HOPX: variants seen among roughly 807,000 people sequenced by gnomAD.
HOPX encodes HOP homeobox.
A neutral mutation model predicts 11.8 loss-of-function variants in HOPX; 5 were observed. The ratio of observed to expected loss-of-function variants is 0.43; its 90% CI spans 0.22 to 0.89. The LOEUF is 0.89. Ranked by LOEUF, HOPX falls within the 40% of genes least tolerant of loss-of-function variation. HOPX has a pLI of 0.28. For missense variants in HOPX, 119 were observed against 120.0 expected, an observed-to-expected ratio of 0.99 and a Z score of 0.04; for synonymous variants, 49 against 49.7, an observed-to-expected ratio of 0.99 and a Z score of 0.06.
At chr4:56,678,438 A>ATTGTTTT (rs1719135406) in intron 1 of HOPX, among the ~76,000 whole-genome samples, 1 of 100,258 alleles carries the variant, frequency 1.0e-5, no homozygotes, top group African/African-American at 4.3e-5. Context: ...CTAGTCACTG[A>ATTGTTTT]TTTTTTTTTT....
intron 1 of HOPX, among the ~76,000 whole-genome samples, chr4:56,675,873 CA>C (rs1718989785): frequency 6.6e-6 from 1 of 151,700 alleles, no homozygotes; most frequent in South Asian, 2.1e-4. Context: ...TCAGGATCCC[CA>C]GGTGATGGTT....
chr4:56,672,614 C>T (rs1273878800), intron 1 of HOPX: 1 of 151,278 alleles, frequency 6.6e-6, no homozygotes, highest in Admixed American at 6.6e-5. Context: ...ATTTGATTGG[C>T]TAAAAAATTA....
At chr4:56,669,308 A>C (rs1418685806) in intron 1 of HOPX, among the ~76,000 whole-genome samples, 1 of 152,224 alleles carries the variant, frequency 6.6e-6, no homozygotes, top group African/African-American at 2.4e-5. Context: ...CTAGGAACCA[A>C]GGAGCTTCTT....
intron 2 of HOPX, chr4:56,656,315 G>C (rs1046240344): frequency 6.4e-6 from 7 of 1,099,914 alleles, no homozygotes; most frequent in African/African-American, 1.7e-5. Flanking sequence ...ACGGGGGCGA[G>C]ATAGATGATT....
At chr4:56,660,308 C>A (rs899502661) in intron 1 of HOPX, among the ~76,000 whole-genome samples, 8 of 152,062 alleles carry the variant, frequency 5.3e-5, no homozygotes, top group African/African-American at 1.9e-4. Context: ...TGAATACATC[C>A]CAAATACATA....
chr4:56,680,474 C>T (rs1719267450), intron 1 of HOPX: 1 of 152,200 alleles, frequency 6.6e-6, no homozygotes, highest in Non-Finnish European at 1.5e-5. Flanking sequence ...TAACTAAACA[C>T]ACTACAGGGC....
Position 56,657,811 on chromosome 4 carries a change from G to T in HOPX, c.6C>A (p.Leu2=). 7.0e-7 allele frequency: 1 copy of T among 1,432,518 alleles called. No individual in the cohort carries two copies. The highest frequency in any genetic ancestry group is 9.6e-7 in the Non-Finnish European group (1 of 1,038,196). 88.7% of individuals were successfully genotyped at this position (1,432,518 alleles called of 1,614,324 possible). A position where few individuals can be genotyped will look rare whatever the true frequency, so the allele number is the denominator to read the frequency against. The change falls in exon 2 of 4, where the codon CTC becomes CTA. Residue 2 remains leucine, a synonymous_variant. Transcript: ENST00000420433. ...TTCTTCTGTAACAGCCCAGGAAAAT[G>T]AGCATAGGAAGACTAACTTTCTGAA... The part of the protein sequence containing the change: M[L]IFLGCYRRRL...
intron 1 of HOPX, among the ~76,000 whole-genome samples, chr4:56,661,773 G>A (rs1422042307): frequency 1.3e-5 from 2 of 152,154 alleles, no homozygotes; most frequent in African/African-American, 4.8e-5. Context: ...AATATTTCCT[G>A]TTGCAGCCCA....
chr4:56,652,572 CCAAGG>C (rs67204535), intron 3 of HOPX, among the ~76,000 whole-genome samples: 4,760 of 152,144 alleles, frequency 0.031, 101 homozygotes, highest in Middle Eastern at 0.061. Flanking sequence ...CTTTGGGAGG[CCAAGG>C]CAAGAGGATT....
chr4:56,651,559 C>T (rs1374796464), intron 3 of HOPX, among the ~76,000 whole-genome samples: 3 of 152,064 alleles, frequency 2.0e-5, no homozygotes, highest in Non-Finnish European at 2.9e-5. Context: ...ATTACCCTTG[C>T]CCATTGATGG....
At chr4:56,680,132 A>T (rs1036755772) in intron 1 of HOPX, 5 of 152,306 alleles carry the variant, frequency 3.3e-5, no homozygotes, top group Middle Eastern at 3.4e-3. Context: ...AGTTAAAAAA[A>T]AATAATAATA....
chr4:56,667,525 T>G (rs1718505443), intron 1 of HOPX, among the ~76,000 whole-genome samples: 1 of 152,192 alleles, frequency 6.6e-6, no homozygotes, highest in African/African-American at 2.4e-5. Context: ...ACAACCGTAT[T>G]GACAATAACC....
chr4:56,677,884 C>T (rs1226032374), intron 1 of HOPX, among the ~76,000 whole-genome samples: 25 of 151,688 alleles, frequency 1.6e-4, no homozygotes, highest in Non-Finnish European at 2.5e-4. Context: ...CTTGAAAGAA[C>T]AACTTGGCTG....
intron 3 of HOPX, chr4:56,650,900 G>T: frequency 1.6e-6 from 2 of 1,282,458 alleles, no homozygotes; most frequent in Non-Finnish European, 2.1e-6. Flanking sequence ...TCTGTAACCT[G>T]TGTGCGTGTG....
intron 3 of HOPX, chr4:56,650,492 G>T (rs1464020566): frequency 3.5e-6 from 2 of 567,574 alleles, no homozygotes; most frequent in Middle Eastern, 8.5e-4. Flanking sequence ...AGAATCACAG[G>T]GGGAGAAGGA....
chr4:56,652,401 C>T (rs1198873437), intron 3 of HOPX, among the ~76,000 whole-genome samples: 1 of 152,068 alleles, frequency 6.6e-6, no homozygotes, highest in East Asian at 1.9e-4. Context: ...AATATGATTC[C>T]ATTTCTGGAG....
chr4:56,649,211 T>C (rs1716923715), intron 3 of HOPX: 1 of 157,224 alleles, frequency 6.4e-6, no homozygotes, highest in African/African-American at 2.4e-5. Context: ...CTATATTCCC[T>C]TCTAGAATGT....
chr4:56,659,404 G>A (rs908135212), intron 1 of HOPX: 2 of 152,178 alleles, frequency 1.3e-5, no homozygotes, highest in Admixed American at 6.5e-5. Context: ...GGAAGGGGAT[G>A]GGGTCTTCCC....
chr4:56,669,646 A>C, intron 1 of HOPX, among the ~76,000 whole-genome samples: 1 of 148,810 alleles, frequency 6.7e-6, no homozygotes, highest in East Asian at 2.0e-4. Context: ...GTGATAGAGC[A>C]GGACTCTGTC....
Sources: allele counts gnomAD v4.1 joint callset (sites outside exome capture counted in the v4.1 genomes callset), GRCh38; gene constraint gnomAD v4.1.1; transcripts MANE v1.5; gene names NCBI Gene and HGNC (gene_info 2026-07-23, HGNC 2026-07-21).